Variants in FAM117B observed in about 807,000 individuals in gnomAD.
FAM117B encodes the protein protein FAM117B.
A neutral mutation model predicts 52.8 loss-of-function variants in FAM117B; 22 were observed. The ratio of observed to expected loss-of-function variants is 0.42; its 90% CI spans 0.30 to 0.59. The LOEUF is 0.59. Ranked by LOEUF, FAM117B falls within the 20% of genes least tolerant of loss-of-function variation. The pLI is 0.22. For missense variants in FAM117B, 678 were observed against 802.6 expected (o/e 0.84, Z 1.88); for synonymous variants, 309 against 324.1 (o/e 0.95, Z 0.50).
At chr2:202,644,064 G>GTTTGTTTTTTTTTTTTTTTTTTTTTTTT (rs1689816805) in intron 1 of FAM117B, among the ~76,000 whole-genome samples, 2 of 95,140 alleles carry the variant, frequency 2.1e-5, no homozygotes, top group African/African-American at 9.0e-5. Flanking sequence ...TTTTTTTTTT[G>GTTTGTTTTTTTTTTTTTTTTTTTTTTTT]TTTTTTTTTT....
At chr2:202,720,426 T>TGC (rs58001779) in intron 2 of FAM117B, among the ~76,000 whole-genome samples, 4 of 150,238 alleles carry the variant, frequency 2.7e-5, no homozygotes, top group Admixed American at 6.6e-5. Flanking sequence ...TGTGTGTGTG[T>TGC]GCGCTGCAAT....
intron 1 of FAM117B, among the ~76,000 whole-genome samples, chr2:202,648,888 A>G (rs1689912256): frequency 6.6e-6 from 1 of 151,848 alleles, no homozygotes; most frequent in Non-Finnish European, 1.5e-5. Flanking sequence ...CAGCCTCCTG[A>G]GTAGCTGGGA....
At chr2:202,692,924 G>A (rs370166778) in intron 1 of FAM117B, among the ~76,000 whole-genome samples, 15 of 152,176 alleles carry the variant, frequency 9.9e-5, no homozygotes, top group African/African-American at 3.4e-4. Context: ...CATTAAAGTT[G>A]GAATGTGATT....
At chr2:202,640,323 T>TATATATAA in intron 1 of FAM117B, among the ~76,000 whole-genome samples, 1 of 117,386 alleles carries the variant, frequency 8.5e-6, no homozygotes, top group Non-Finnish European at 1.7e-5. Context: ...TATATATATA[T>TATATATAA]ATATATATAT....
intron 4 of FAM117B, among the ~76,000 whole-genome samples, chr2:202,754,776 G>C (rs1339975318): frequency 6.7e-6 from 1 of 148,822 alleles, no homozygotes; most frequent in African/African-American, 2.5e-5. Context: ...TGTAGTCCCA[G>C]CTACTCAGGA....
intron 4 of FAM117B, among the ~76,000 whole-genome samples, chr2:202,754,888 CAAAAA>C (rs149747057): frequency 3.5e-5 from 3 of 85,696 alleles, no homozygotes; most frequent in East Asian, 3.4e-4. Flanking sequence ...AGATTCGTCT[CAAAAA>C]AAAAAAAAAA....
rs1421430792 is a variant in FAM117B at position 202,642,742 on chromosome 2, A to ACATGTACATCATGCTAGG, written c.601+6958_601+6975dup. Among the ~76,000 whole-genome samples, 13 of 152,316 alleles carry ACATGTACATCATGCTAGG rather than the reference A, an allele frequency of 8.5e-5. No individual in the cohort carries two copies. In the East Asian group the frequency reaches 2.1e-3, roughly 25 times the overall value. Reference sequence around the variant, plus strand: ...TTGCAGTTCAGTAAACATTCATTTAACATGTACATCATGCTAGGCATTTAC... The same window carrying ACATGTACATCATGCTAGG: ...TTGCAGTTCAGTAAACATTCATTTAACATGTACATCATGCTAGGCATGTACATCATGCTAGGCATTTAC... On this transcript the variant is annotated intron_variant, in intron 1 of 7. Transcript: ENST00000392238.
intron 1 of FAM117B, among the ~76,000 whole-genome samples, chr2:202,639,189 G>A (rs909471727): frequency 6.6e-6 from 1 of 152,154 alleles, no homozygotes; most frequent in African/African-American, 2.4e-5. Flanking sequence ...TCTAGATCAG[G>A]CTGTTGACTT....
At chr2:202,716,671 T>G (rs1691061031) in intron 2 of FAM117B, among the ~76,000 whole-genome samples, 1 of 152,214 alleles carries the variant, frequency 6.6e-6, no homozygotes, top group South Asian at 2.1e-4. Flanking sequence ...GGCTATTTTC[T>G]AGATCCGGTA....
At chr2:202,739,763 C>G (rs1203231394) in intron 4 of FAM117B, among the ~76,000 whole-genome samples, 3 of 152,082 alleles carry the variant, frequency 2.0e-5, no homozygotes, top group African/African-American at 2.4e-5. Context: ...TCTGGCCTCT[C>G]TATTGTTAAT....
At position 202,635,212 on chromosome 2, in the gene FAM117B, G is replaced by A. The variant is rs1405656472; in HGVS notation, c.25G>A (p.Gly9Arg). ...CATGTCCCAGCGGGTGAGGCGCAAT[G>A]GGTCCCCCACGCCGGCCGGCTCCCT... Reference protein sequence around the residue: MSQRVRRNGSPTPAGSLGG... With the variant: MSQRVRRNRSPTPAGSLGG... The change falls in exon 1 of 8, where the codon GGG becomes AGG. Residue 9 changes from glycine to arginine, a missense_variant. By Grantham distance (125) the Gly-to-Arg change is moderately radical (BLOSUM62 -2). Coordinates refer to ENST00000392238, the MANE Select transcript of FAM117B (RefSeq NM_173511.4). 4 of 1,300,110 alleles carry A rather than the reference G, an allele frequency of 3.1e-6. No individual in the cohort carries two copies. The African/African-American group carries it at 4.6e-5, about 15-fold the overall frequency. 80.5% of individuals were successfully genotyped at this position (1,300,110 alleles called of 1,614,324 possible). A position where few individuals can be genotyped will look rare whatever the true frequency, so the allele number is the denominator to read the frequency against.
At chr2:202,682,238 G>T (rs184777634) in intron 1 of FAM117B, among the ~76,000 whole-genome samples, 1 of 152,162 alleles carries the variant, frequency 6.6e-6, no homozygotes, top group Non-Finnish European at 1.5e-5. Context: ...CAGATGCCAC[G>T]AATGTGGGTG....
chr2:202,636,455 A>G (rs568126268), intron 1 of FAM117B, among the ~76,000 whole-genome samples: 17 of 152,340 alleles, frequency 1.1e-4, no homozygotes, highest in African/African-American at 3.8e-4. Context: ...TTGAATGTAG[A>G]AAAACAGAAT....
At chr2:202,730,401 G>T (rs1691321943) in intron 4 of FAM117B, among the ~76,000 whole-genome samples, 1 of 152,198 alleles carries the variant, frequency 6.6e-6, no homozygotes, top group Non-Finnish European at 1.5e-5. Flanking sequence ...CGGCCGTGGT[G>T]GTTCACGCCT....
rs373545708 is a variant in FAM117B at position 202,656,752 on chromosome 2, T to C, written c.601+20964T>C. 3.3e-5 allele frequency among the ~76,000 whole-genome samples: 5 copies of C among 152,354 alleles called. No individual in the cohort carries two copies. The East Asian group carries it at 5.8e-4, about 18-fold the overall frequency. ...AGGTCTTACATATCTTTGCTGATTT[T>C]CTATTTGTTTTATCAGTTGCTCAGA... is the stretch of plus-strand genomic sequence containing the variant. On this transcript the variant is annotated intron_variant, in intron 1 of 7. Transcript: ENST00000392238.
At chr2:202,694,808 G>A (rs1402141043) in intron 1 of FAM117B, among the ~76,000 whole-genome samples, 2 of 152,104 alleles carry the variant, frequency 1.3e-5, no homozygotes, top group Non-Finnish European at 2.9e-5. Context: ...TTGTGAAGCA[G>A]ATGTGTTATT....
chr2:202,656,749 T>G (rs867296024), intron 1 of FAM117B, among the ~76,000 whole-genome samples: 15 of 152,326 alleles, frequency 9.8e-5, no homozygotes, highest in Admixed American at 5.2e-4. Flanking sequence ...TCTTTGCTGA[T>G]TTTCTATTTG....
intron 1 of FAM117B, among the ~76,000 whole-genome samples, chr2:202,674,002 G>A (rs1690340512): frequency 6.6e-6 from 1 of 151,768 alleles, no homozygotes; most frequent in Non-Finnish European, 1.5e-5. Context: ...TTCTTTTCAG[G>A]TACCTGAAAT....
chr2:202,709,184 T>G (rs1690921777), intron 2 of FAM117B, among the ~76,000 whole-genome samples: 1 of 152,088 alleles, frequency 6.6e-6, no homozygotes, highest in African/African-American at 2.4e-5. Context: ...CCCACTTTTT[T>G]TTTTCCCCAA....
Sources: allele counts gnomAD v4.1 joint callset (sites outside exome capture counted in the v4.1 genomes callset), GRCh38; gene constraint gnomAD v4.1.1; transcripts MANE v1.5; gene names NCBI Gene and HGNC (gene_info 2026-07-23, HGNC 2026-07-21).